The following PDE4C variants were observed in gnomAD, a reference collection of about 807,000 sequenced individuals.
PDE4C encodes phosphodiesterase 4C.
In PDE4C, 50 loss-of-function variants were observed where a neutral mutation model predicts 63.9. That is an observed-to-expected ratio of 0.78 (90% confidence interval 0.62 to 0.99). PDE4C has a LOEUF of 0.99. Ranked by LOEUF, PDE4C falls within the 50% of genes least tolerant of loss-of-function variation. The pLI, the probability that PDE4C is intolerant of heterozygous loss-of-function variation, is 0.00. For synonymous variants in PDE4C, 377 were observed against 385.1 expected (o/e 0.98, Z 0.25); for missense variants, 777 against 899.1 (o/e 0.86, Z 1.74).
At chr19:18,226,605 CTTTT>C (rs34009293), upstream of PDE4C, 835 of 203,384 alleles carry the variant, frequency 4.1e-3, no homozygotes, top group Middle Eastern at 8.7e-3. Flanking sequence ...CTCTCTGCTC[CTTTT>C]TTTTTTTTTT....
chr19:18,218,813 G>T (rs1473132118), intron 9 of PDE4C, 127 bp downstream of exon 9: 1 of 799,752 alleles, frequency 1.3e-6, no homozygotes, highest in Admixed American at 1.9e-5. Context: ...TCAATACCCT[G>T]CTCAAATTAT....
intron 13 of PDE4C, 149 bp from the exon 14 acceptor site, chr19:18,212,090 G>A (rs961714817): frequency 2.2e-5 from 16 of 719,180 alleles, no homozygotes; most frequent in Non-Finnish European, 3.2e-5. Flanking sequence ...TTAAGGCACA[G>A]GCATGTGACT....
upstream of PDE4C, chr19:18,250,284 C>T: frequency 2.5e-6 from 1 of 399,150 alleles, no homozygotes; most frequent in Non-Finnish European, 4.4e-6. Context: ...GGCCCCAGGG[C>T]TGAGCCCCCA....
chr19:18,233,363 G>A (rs1407576703), exon 1 of PDE4C: 2 of 860,578 alleles, frequency 2.3e-6, no homozygotes, highest in South Asian at 2.9e-5. Flanking sequence ...GGCTCAAGGT[G>A]GGGCCGACAC....
At chr19:18,253,062 G>C (rs1969249959), upstream of PDE4C, among the ~76,000 whole-genome samples, 1 of 152,250 alleles carries the variant, frequency 6.6e-6, no homozygotes, top group South Asian at 2.1e-4. Context: ...TTCAAGTGCA[G>C]ATCAGCGTTC....
At chr19:18,227,268 C>T (rs1252623751), upstream of PDE4C, among the ~76,000 whole-genome samples, 1 of 152,140 alleles carries the variant, frequency 6.6e-6, no homozygotes, top group Non-Finnish European at 1.5e-5. Flanking sequence ...CGGTCACGGG[C>T]ATGGGTCTTT....
At chr19:18,214,804 G>C (rs1843257292) in intron 12 of PDE4C, among the ~76,000 whole-genome samples, 1 of 151,990 alleles carries the variant, frequency 6.6e-6, no homozygotes, top group African/African-American at 2.4e-5. Context: ...CAAAAAATTA[G>C]CCGGGTGTGG....
At position 18,232,687 on chromosome 19, in the gene PDE4C, C is replaced by A. The variant is rs1030433667; in HGVS notation, c.242+263G>T. 3.6e-5 allele frequency among the ~76,000 whole-genome samples: 5 copies of A among 138,798 alleles called. 1 individual carries two copies. The highest frequency in any genetic ancestry group is 5.4e-5 in the African/African-American group (2 of 37,380). 91.1% of individuals were successfully genotyped at this position (138,798 alleles called of 152,430 possible). On this transcript the variant is annotated intron_variant, in intron 1 of 14. Coordinates refer to the PDE4C transcript ENST00000594465. ...AACACATCTGGTCACCCCAGTCTCA[C>A]GCGCGCGCGCGCACACACACACACA...
chr19:18,221,309 C>CG lies in PDE4C; in HGVS notation c.339-13dup, dbSNP rs541627656. 44 of 1,539,000 alleles carry CG rather than the reference C, an allele frequency of 2.9e-5. No individual in the cohort carries two copies. The highest frequency in any genetic ancestry group is 3.8e-5 in the Non-Finnish European group (44 of 1,144,502). ...TGTCCTCTCCATGTCTGCGAGGAGA[C>CG]GGGCCATCAGGGAGAGCTCTCTCCC... is the stretch of plus-strand genomic sequence containing the variant. On this transcript the variant is annotated splice_polypyrimidine_tract_variant and intron_variant, in intron 2 of 14. Transcript: ENST00000262805.
At chr19:18,218,894 G>T in intron 9 of PDE4C, 46 bp downstream of exon 9, 3 of 1,360,880 alleles carry the variant, frequency 2.2e-6, no homozygotes, top group South Asian at 2.3e-5. Flanking sequence ...AGCAGTGAGG[G>T]AAACCCCAGG....
At chr19:18,226,322 C>T in exon 1 of PDE4C, 1 of 1,564,686 alleles carries the variant, frequency 6.4e-7, no homozygotes. Flanking sequence ...CTCTGATTCA[C>T]CAAAAGCTTC....
At chr19:18,244,966 G>A (rs1470192385) in intron 1 of PDE4C, among the ~76,000 whole-genome samples, 2 of 152,026 alleles carry the variant, frequency 1.3e-5, no homozygotes, top group African/African-American at 4.8e-5. Flanking sequence ...ATGCCGAGTA[G>A]CTGGGACTGC....
At chr19:18,217,108 A>T in intron 11 of PDE4C, 1 of 484,122 alleles carries the variant, frequency 2.1e-6, no homozygotes, top group Non-Finnish European at 3.6e-6. Context: ...CAAGACTGGG[A>T]AGGCTCCTCA....
intron 1 of PDE4C, among the ~76,000 whole-genome samples, chr19:18,239,751 C>T (rs553208604): frequency 1.6e-4 from 25 of 152,054 alleles, no homozygotes; most frequent in Admixed American, 3.3e-4. Context: ...ACTGGCCAGG[C>T]GCGGTGGCTC....
rs560736448 is a variant in PDE4C at position 18,219,522 on chromosome 19, T to C, written c.707-125A>G. On this transcript the variant is annotated intron_variant, in intron 7 of 14. Transcript: ENST00000262805. Reference sequence around the variant, plus strand: ...CCCTTTCTACAGGAACCAAAGTAAGTTCGGAGTAAAGACCCTGTCGGCCGG... The same window carrying C: ...CCCTTTCTACAGGAACCAAAGTAAGCTCGGAGTAAAGACCCTGTCGGCCGG... 1.2e-4 allele frequency: 143 copies of C among 1,146,630 alleles called. 3 individuals carry two copies. The South Asian group carries it at 2.2e-3, about 18-fold the overall frequency. The allele number at this position is 1,146,630 out of a possible 1,614,324, so 71.0% of individuals were successfully genotyped here.
chr19:18,216,077 C>T (rs1467679886), intron 12 of PDE4C, among the ~76,000 whole-genome samples: 4 of 151,346 alleles, frequency 2.6e-5, no homozygotes, highest in East Asian at 1.9e-4. Context: ...GTGATCCACC[C>T]GCCTCAGCCT....
intron 1 of PDE4C, among the ~76,000 whole-genome samples, chr19:18,246,058 TGG>T (rs1969124056): frequency 7.1e-6 from 1 of 140,772 alleles, no homozygotes; most frequent in African/African-American, 2.8e-5. Context: ...TCATCCAGGC[TGG>T]AGTGCAGTGC....
exon 8 of PDE4C, chr19:18,219,391 T>C: frequency 6.2e-7 from 1 of 1,602,490 alleles, no homozygotes; most frequent in South Asian, 1.1e-5. Context: ...CACCTCGGTC[T>C]GCTGGTCTGC....
At chr19:18,212,132 G>A (rs1290474310) in intron 13 of PDE4C, among the ~76,000 whole-genome samples, 191 bp from the exon 14 acceptor site, 1 of 152,012 alleles carries the variant, frequency 6.6e-6, no homozygotes, top group Non-Finnish European at 1.5e-5. Flanking sequence ...GCATCCAGTC[G>A]GCACTTCATA....
Sources: gnomAD v4.1 joint callset for allele counts (sites outside exome capture counted in the v4.1 genomes callset) on GRCh38, gnomAD v4.1.1 for gene constraint, MANE v1.5 for transcripts, NCBI Gene and HGNC (gene_info 2026-07-23, HGNC 2026-07-21) for gene names.